LINGO2: variants seen among roughly 807,000 people sequenced by gnomAD.
LINGO2 encodes leucine-rich repeat and immunoglobulin-like domain-containing nogo receptor-interacting protein 2.
A neutral mutation model predicts 30.6 loss-of-function variants in LINGO2; 14 were observed. That is an observed-to-expected ratio of 0.46 (90% CI 0.30 to 0.72). The LOEUF is 0.72. Ranked by LOEUF, LINGO2 falls within the 30% of genes least tolerant of loss-of-function variation. The pLI is 0.07. For synonymous variants in LINGO2, 317 were observed against 288.5 expected (o/e 1.10, Z -1.00); for missense variants, 729 against 751.7 (o/e 0.97, Z 0.35).
At chr9:29,019,812 G>T in the LINGO2 span, among the ~76,000 whole-genome samples, 3 of 152,052 alleles carry the variant, frequency 2.0e-5, no homozygotes, top group African/African-American at 7.3e-5. Flanking sequence ...TTGATTATCA[G>T]ATATCTTTCT....
chr9:28,397,257 G>C (rs4472615), intron 2 of LINGO2, among the ~76,000 whole-genome samples: 3,680 of 151,718 alleles, frequency 0.024, 166 homozygotes, highest in East Asian at 0.2. Flanking sequence ...ATCTTCTTGG[G>C]AGGATAAGAT....
intron 4 of LINGO2, among the ~76,000 whole-genome samples, chr9:28,184,600 G>C (rs1290306481): frequency 6.6e-6 from 1 of 151,774 alleles, no homozygotes; most frequent in Non-Finnish European, 1.5e-5. Context: ...AGAAAAAAGA[G>C]AGAGAGATGG....
Position 27,990,465 on chromosome 9 carries a change from C to CT in LINGO2, c.-36+21889_-36+21890insA, listed in dbSNP as rs72338075. Among the ~76,000 whole-genome samples, 1,052 of 116,204 alleles carry CT rather than the reference C, an allele frequency of 9.1e-3. 19 individuals are homozygous for CT. Among genetic ancestry groups the CT allele is most frequent in the Admixed American group, 0.052 (615 of 11,928 alleles). The allele number at this position is 116,204 out of a possible 152,430, so 76.2% of individuals were successfully genotyped here. A position where few individuals can be genotyped will look rare whatever the true frequency, so the allele number is the denominator to read the frequency against. On this transcript the variant is annotated intron_variant, in intron 5 of 5. Transcript: ENST00000379992. The stretch of plus-strand genomic sequence containing the variant: ...GCATCACTTCAGTGGTCTCAATACC[C>CT]CCCCCCCTTTTATTTTTAACTTCAG...
chr9:28,937,765 T>G, the LINGO2 span, among the ~76,000 whole-genome samples: 1 of 152,194 alleles, frequency 6.6e-6, no homozygotes, highest in Non-Finnish European at 1.5e-5. Flanking sequence ...TGCTAGTCTC[T>G]CAATTGCTGT....
rs771000165 is a variant in LINGO2 at position 27,950,266 on chromosome 9, T to C, written c.406A>G (p.Ile136Val). 9.9e-6 allele frequency: 16 copies of C among 1,613,922 alleles called. No individual in the cohort carries two copies. The highest frequency in any genetic ancestry group is 5.5e-5 in the South Asian group (5 of 91,078). The change falls in exon 6 of 6, where the codon ATT becomes GTT. Residue 136 changes from isoleucine (I) to valine (V), a missense_variant. By Grantham distance (29) the Ile-to-Val change is conservative. Coordinates refer to ENST00000379992, the Ensembl canonical transcript of LINGO2. The stretch of plus-strand genomic sequence containing the variant: ...AAAATGACAATCTTATTCTCACTAA[T>C]GTCAAGCTTAGTGAGATTGGACAGC...
chr9:28,975,755 C>T, the LINGO2 span, among the ~76,000 whole-genome samples: 3 of 152,102 alleles, frequency 2.0e-5, no homozygotes, highest in Non-Finnish European at 4.4e-5. Flanking sequence ...CTCTAGTGTC[C>T]TATGGAATTA....
the LINGO2 span, among the ~76,000 whole-genome samples, chr9:28,748,266 T>C: frequency 3.3e-5 from 5 of 152,168 alleles, no homozygotes; most frequent in Non-Finnish European, 7.4e-5. Flanking sequence ...TCCTTGAAGA[T>C]AGAAAAATGT....
At chr9:28,133,903 T>G (rs926860377) in intron 4 of LINGO2, among the ~76,000 whole-genome samples, 5 of 152,214 alleles carry the variant, frequency 3.3e-5, no homozygotes, top group African/African-American at 9.7e-5. Flanking sequence ...CAGTCCAGAT[T>G]TGGCATTTCC....
At chr9:28,441,457 A>G (rs1160022254) in intron 2 of LINGO2, among the ~76,000 whole-genome samples, 1 of 151,848 alleles carries the variant, frequency 6.6e-6, no homozygotes, top group African/African-American at 2.4e-5. Flanking sequence ...ACTTCATGTT[A>G]GTTCTCAAGC....
chr9:28,815,283 T>C, the LINGO2 span, among the ~76,000 whole-genome samples: 1 of 152,204 alleles, frequency 6.6e-6, no homozygotes, highest in Non-Finnish European at 1.5e-5. Context: ...TTCTTATTTC[T>C]TAATATAATA....
In LINGO2 at chr9:28,410,516, C is replaced by CA. The variant is rs572783138; in HGVS notation, c.-278-37649dup. 1.2e-3 allele frequency among the ~76,000 whole-genome samples: 179 copies of CA among 152,092 alleles called. 1 individual carries two copies. The highest frequency in any genetic ancestry group is 4.1e-3 in the African/African-American group (170 of 41,502). Reference sequence around the variant, plus strand: ...AGAACAATCATACAACAAAACAAAACAAAAATGAGGGCCAGAGCCAGGAAT... The same window carrying CA: ...AGAACAATCATACAACAAAACAAAACAAAAAATGAGGGCCAGAGCCAGGAAT... On this transcript the variant is annotated intron_variant, in intron 2 of 5. Transcript: ENST00000379992.
the LINGO2 span, among the ~76,000 whole-genome samples, chr9:28,744,637 TGTA>T: frequency 1.4e-3 from 194 of 141,550 alleles, 1 homozygote; most frequent in African/African-American, 5.0e-3. Flanking sequence ...TGTGTGTGTG[TGTA>T]TTTTTTTTTT....
chr9:28,997,487 T>C, the LINGO2 span, among the ~76,000 whole-genome samples: 3 of 152,174 alleles, frequency 2.0e-5, no homozygotes, highest in African/African-American at 7.2e-5. Context: ...TGATGTGATA[T>C]ATTCTGGGTG....
chr9:27,990,351 AAC>A (rs1331496076), intron 5 of LINGO2, among the ~76,000 whole-genome samples: 1 of 151,958 alleles, frequency 6.6e-6, no homozygotes, highest in Non-Finnish European at 1.5e-5. Flanking sequence ...CTCTTATTTA[AAC>A]AGATAGAGGA....
intron 4 of LINGO2, among the ~76,000 whole-genome samples, chr9:28,135,839 T>A (rs1196602996): frequency 6.6e-6 from 1 of 152,178 alleles, no homozygotes; most frequent in African/African-American, 2.4e-5. Flanking sequence ...TTCTCTTCCA[T>A]TATCCTGTTT....
intron 2 of LINGO2, among the ~76,000 whole-genome samples, chr9:28,465,858 G>C (rs897111541): frequency 6.6e-6 from 1 of 151,998 alleles, no homozygotes; most frequent in Non-Finnish European, 1.5e-5. Flanking sequence ...ATATGAAAAA[G>C]GTACTCAACA....
intron 2 of LINGO2, among the ~76,000 whole-genome samples, chr9:28,447,049 C>T (rs1244593936): frequency 1.3e-5 from 2 of 152,150 alleles, no homozygotes; most frequent in Non-Finnish European, 2.9e-5. Context: ...ATCCCTTTGG[C>T]TGTCTAACTC....
Position 28,161,802 on chromosome 9 carries a change from G to A in LINGO2, c.-87+133406C>T, listed in dbSNP as rs184821064. 7.9e-4 allele frequency among the ~76,000 whole-genome samples: 120 copies of A among 151,600 alleles called. 2 individuals are homozygous for A. The highest frequency in any genetic ancestry group is 6.8e-3 in the Middle Eastern group (2 of 294). On this transcript the variant is annotated intron_variant, in intron 4 of 5. Transcript: ENST00000379992. Reference sequence around the variant, plus strand: ...GAAATTTTGCTCTTCAGGTATTTTCGCCATTTCATTTCATCTCGGTAGACG... The same window carrying A: ...GAAATTTTGCTCTTCAGGTATTTTCACCATTTCATTTCATCTCGGTAGACG...
At chr9:28,078,614 G>T (rs1037915892) in intron 4 of LINGO2, among the ~76,000 whole-genome samples, 15 of 148,370 alleles carry the variant, frequency 1.0e-4, no homozygotes, top group Admixed American at 2.6e-4. Flanking sequence ...ACTTTGGGAG[G>T]CTGAGGCGGG....
Sources: gnomAD v4.1 joint callset for allele counts (sites outside exome capture counted in the v4.1 genomes callset) on GRCh38, gnomAD v4.1.1 for gene constraint, MANE v1.5 for transcripts, NCBI Gene and HGNC (gene_info 2026-07-23, HGNC 2026-07-21) for gene names.